AP4S1: variants seen among roughly 807,000 people sequenced by gnomAD.
AP4S1 encodes AP-4 complex subunit sigma-1.
A neutral mutation model predicts 19.8 loss-of-function variants in AP4S1; 23 were observed. The observed-to-expected ratio is 1.16, with a 90% CI of 0.84 to 1.65. The LOEUF (loss-of-function observed/expected upper bound fraction) is 1.65, where lower values mean the gene tolerates loss of function less well. Among genes scored for constraint, AP4S1 ranks in the 40% most tolerant of loss-of-function variants. The pLI is 0.00. For missense variants in AP4S1, 166 were observed against 172.8 expected, an observed-to-expected ratio of 0.96 and a Z score of 0.22; for synonymous variants, 46 against 54.1, an observed-to-expected ratio of 0.85 and a Z score of 0.66.
At chr14:31,027,626 C>T (rs1444420993) in intron 1 of AP4S1, among the ~76,000 whole-genome samples, 1 of 152,188 alleles carries the variant, frequency 6.6e-6, no homozygotes, top group Non-Finnish European at 1.5e-5. Context: ...CGCACCACTG[C>T]ACTCCAGCCT....
intron 1 of AP4S1, among the ~76,000 whole-genome samples, chr14:31,035,637 T>G (rs900036419): frequency 2.1e-5 from 3 of 142,402 alleles, no homozygotes; most frequent in African/African-American, 8.6e-5. Flanking sequence ...CGTTTTTAGG[T>G]CTTTTTTTTT....
At chr14:31,073,185 G>GAA (rs140738043) in intron 4 of AP4S1, 4,371 of 411,050 alleles carry the variant, frequency 0.011, no homozygotes, top group South Asian at 0.025. Context: ...TAAAGAACTG[G>GAA]AAAAAAAAAA....
At chr14:31,055,140 C>A (rs1410865694) in intron 1 of AP4S1, among the ~76,000 whole-genome samples, 1 of 150,724 alleles carries the variant, frequency 6.6e-6, no homozygotes, top group East Asian at 1.9e-4. Flanking sequence ...TATTACATCT[C>A]ACATTTACAT....
At chr14:31,075,842 C>T (rs566346890) in intron 4 of AP4S1, among the ~76,000 whole-genome samples, 25 of 151,426 alleles carry the variant, frequency 1.7e-4, no homozygotes, top group African/African-American at 4.9e-4. Flanking sequence ...CAGGTTCAAG[C>T]AATTCTCCTG....
In AP4S1 at chr14:31,053,589, CTTTTTTTTTTTTTTTTTT is replaced by C. The variant is rs758966011; in HGVS notation, c.-71-12525_-71-12508del. ...AACACATCTTTTTAGTGACTTTTTT[CTTTTTTTTTTTTTTTTTT>C]TTTTTTTTTTTGTAGAGACAGTGTC... On this transcript the variant is annotated intron_variant, in intron 1 of 5. Coordinates refer to ENST00000542754, the MANE Select transcript of AP4S1 (RefSeq NM_001128126.3). 5.6e-4 allele frequency among the ~76,000 whole-genome samples: 40 copies of C among 71,182 alleles called. 1 individual carries two copies. The South Asian group carries it at 0.02, about 35-fold the overall frequency. 46.7% of individuals were successfully genotyped at this position (71,182 alleles called of 152,430 possible).
chr14:31,068,774 A>G (rs925334780), intron 2 of AP4S1, among the ~76,000 whole-genome samples: 10 of 152,218 alleles, frequency 6.6e-5, no homozygotes, highest in Non-Finnish European at 1.3e-4. Context: ...AAGTAGCATA[A>G]TAGCAGCTTA....
chr14:31,033,385 T>G (rs967134668), intron 1 of AP4S1, among the ~76,000 whole-genome samples: 3 of 152,114 alleles, frequency 2.0e-5, no homozygotes, highest in Admixed American at 6.5e-5. Flanking sequence ...AGCTAATTTT[T>G]GTATATTTAG....
chr14:31,051,314 G>A (rs1335122888), intron 1 of AP4S1, among the ~76,000 whole-genome samples: 3 of 151,528 alleles, frequency 2.0e-5, no homozygotes, highest in African/African-American at 4.9e-5. Flanking sequence ...TCACATCCCA[G>A]GCACAGCAGA....
In AP4S1 at chr14:31,096,343, T is replaced by C. The variant is rs565766357; in HGVS notation, c.*3308T>C. 2.6e-4 allele frequency: 40 copies of C among 152,270 alleles called. No homozygotes were observed. Among genetic ancestry groups the C allele is most frequent in the African/African-American group, 9.6e-4 (40 of 41,550 alleles). 9.4% of individuals were successfully genotyped at this position (152,270 alleles called of 1,614,324 possible). ...AAAGTATGTACAGTAGTCCCTCTCT[T>C]ATCCACTGTTTCGCATTCTGTGGTT... On this transcript the variant is annotated 3_prime_UTR_variant, in exon 6 of 6. Transcript: ENST00000542754.
chr14:31,042,707 A>G lies in AP4S1; in HGVS notation c.-72+16920A>G, dbSNP rs116792769. The stretch of plus-strand genomic sequence containing the variant: ...AGTTCAACTCCCTAATTTAGGATAG[A>G]AAGTCTGACTTGAACTTCTTTGAAA... On this transcript the variant is annotated intron_variant, in intron 1 of 5. Transcript: ENST00000542754. Among the ~76,000 whole-genome samples the G allele has an allele frequency of 9.4e-3, 1,425 of 152,344 alleles. 27 individuals are homozygous for G. Among genetic ancestry groups the G allele is most frequent in the African/African-American group, 0.031 (1,288 of 41,580 alleles).
At chr14:31,054,194 T>C (rs1473003948) in intron 1 of AP4S1, among the ~76,000 whole-genome samples, 7 of 152,244 alleles carry the variant, frequency 4.6e-5, no homozygotes, top group Non-Finnish European at 8.8e-5. Context: ...CGTTCTGGTA[T>C]AGTGTTTTTC....
At chr14:31,072,447 T>C (rs1887064051) in intron 3 of AP4S1, among the ~76,000 whole-genome samples, 1 of 151,976 alleles carries the variant, frequency 6.6e-6, no homozygotes, top group Non-Finnish European at 1.5e-5. Context: ...CATAGCTCAC[T>C]GCAGCCTGGA....
intron 4 of AP4S1, chr14:31,073,251 G>A (rs1050518894): frequency 8.5e-5 from 31 of 364,108 alleles, no homozygotes; most frequent in Non-Finnish European, 1.4e-4. Flanking sequence ...AGCACTTTGG[G>A]AGGCTAAGGT....
chr14:31,080,507 C>A, intron 4 of AP4S1, 66 bp from the exon 5 acceptor site: 2 of 1,370,774 alleles, frequency 1.5e-6, no homozygotes, highest in Non-Finnish European at 2.1e-6. Context: ...TTCAGTCTGA[C>A]TCTGCTAAGA....
chr14:31,037,765 A>G (rs1270477909), intron 1 of AP4S1, among the ~76,000 whole-genome samples: 5 of 152,194 alleles, frequency 3.3e-5, no homozygotes, highest in African/African-American at 1.2e-4. Flanking sequence ...CCTGGGCAAC[A>G]CAGTGAGACT....
chr14:31,055,131 A>G (rs145948777), intron 1 of AP4S1, among the ~76,000 whole-genome samples: 3,971 of 150,448 alleles, frequency 0.026, 65 homozygotes, highest in Non-Finnish European at 0.041. Flanking sequence ...ATATATATAT[A>G]TTACATCTCA....
chr14:31,030,899 G>A lies in AP4S1; in HGVS notation c.-72+5112G>A, dbSNP rs530268544. ...AAGAATTCCAACGGAATGTGACTAC[G>A]TTCATTTTAATCATGGTTTTATAAA... is the stretch of plus-strand genomic sequence containing the variant. On this transcript the variant is annotated intron_variant, in intron 1 of 5. Transcript: ENST00000542754. Among the ~76,000 whole-genome samples, 22 of 152,242 alleles carry A rather than the reference G, an allele frequency of 1.4e-4. No homozygotes were observed. The East Asian group carries it at 3.5e-3, about 24-fold the overall frequency.
At chr14:31,072,467 G>T (rs1887065329) in intron 3 of AP4S1, among the ~76,000 whole-genome samples, 1 of 151,686 alleles carries the variant, frequency 6.6e-6, no homozygotes, top group African/African-American at 2.4e-5. Context: ...AACTCCTGGG[G>T]TCAAGCCATC....
intron 1 of AP4S1, among the ~76,000 whole-genome samples, chr14:31,060,699 C>A (rs1186847323): frequency 6.6e-6 from 1 of 152,190 alleles, no homozygotes; most frequent in Non-Finnish European, 1.5e-5. Context: ...GGGACCCACC[C>A]TCTATTGTGG....
Sources: gnomAD v4.1 joint callset for allele counts (sites outside exome capture counted in the v4.1 genomes callset) on GRCh38, gnomAD v4.1.1 for gene constraint, MANE v1.5 for transcripts, NCBI Gene and HGNC (gene_info 2026-07-23, HGNC 2026-07-21) for gene names.